The following BICC1 variants were observed in gnomAD, a reference collection of about 807,000 sequenced individuals.
The protein encoded by BICC1 is protein bicaudal C homolog 1.
BICC1 carries 43 observed loss-of-function variants against 111.0 expected under a neutral mutation model. That is an observed-to-expected ratio of 0.39 (90% CI 0.30 to 0.50). The LOEUF (loss-of-function observed/expected upper bound fraction) is 0.50, where lower values mean the gene tolerates loss of function less well. Among genes scored for constraint, BICC1 ranks in the 20% least tolerant of loss-of-function variants. The pLI is 0.88. For synonymous variants in BICC1, 467 were observed against 434.4 expected (o/e 1.07, Z -0.93); for missense variants, 1,091 against 1,203.2 (o/e 0.91, Z 1.38).
intron 3 of BICC1, among the ~76,000 whole-genome samples, chr10:58,749,200 A>G (rs1194737410): frequency 6.6e-6 from 1 of 152,090 alleles, no homozygotes; most frequent in Non-Finnish European, 1.5e-5. Context: ...AGTCCATGGT[A>G]TGCGTTAGAT....
intron 5 of BICC1, 29 bp downstream of exon 5, chr10:58,787,110 T>A (rs781426306): frequency 1.2e-5 from 18 of 1,529,154 alleles, no homozygotes; most frequent in Non-Finnish European, 1.4e-5. Flanking sequence ...TGAACTTTTA[T>A]GGGATGAATT....
At chr10:58,741,666 G>A (rs1471314691) in intron 3 of BICC1, among the ~76,000 whole-genome samples, 1 of 152,038 alleles carries the variant, frequency 6.6e-6, no homozygotes, top group African/African-American at 2.4e-5. Context: ...CATTACAAAC[G>A]GGAAACTGAG....
Position 58,795,671 on chromosome 10 carries a change from T to C in BICC1, c.1180-669T>C, listed in dbSNP as rs531151464. Reference sequence around the variant, plus strand: ...CACAATTTTTTTTTTTTTTGGTCCATTGAGGGCTTTCCCCTTTGAGTTCAC... The same window carrying C: ...CACAATTTTTTTTTTTTTTGGTCCACTGAGGGCTTTCCCCTTTGAGTTCAC... On this transcript the variant is annotated intron_variant, in intron 9 of 20. Coordinates refer to ENST00000373886, the MANE Select transcript of BICC1 (RefSeq NM_001080512.3). Among the ~76,000 whole-genome samples the C allele has an allele frequency of 7.2e-5, 11 of 152,116 alleles. No individual in the cohort carries two copies. The South Asian group carries it at 2.3e-3, about 32-fold the overall frequency.
At chr10:58,800,692 A>T (rs1200231381) in intron 13 of BICC1, among the ~76,000 whole-genome samples, 198 bp from the exon 14 acceptor site, 1 of 152,188 alleles carries the variant, frequency 6.6e-6, no homozygotes, top group Admixed American at 6.5e-5. Flanking sequence ...TTTAAAATAT[A>T]TGCGGGTCTT....
At chr10:58,625,748 C>T (rs1279697656) in intron 2 of BICC1, among the ~76,000 whole-genome samples, 1 of 152,014 alleles carries the variant, frequency 6.6e-6, no homozygotes, top group Non-Finnish European at 1.5e-5. Flanking sequence ...GGGGGAAATT[C>T]CTGGGATAAA....
chr10:58,515,509 T>C (rs989759314), intron 1 of BICC1, among the ~76,000 whole-genome samples: 2 of 152,222 alleles, frequency 1.3e-5, no homozygotes, highest in Non-Finnish European at 2.9e-5. Context: ...TATCTAAATA[T>C]ATCTAAACAT....
chr10:58,799,037 T>C lies in BICC1; in HGVS notation c.1529-19T>C, dbSNP rs1258584127. On this transcript the variant is annotated intron_variant, in intron 11 of 20. Coordinates refer to ENST00000373886, the MANE Select transcript of BICC1 (RefSeq NM_001080512.3). ...CTGAGTTTCTTCCTAATATCTGTCA[T>C]CATAAAATGTTGTTGTAGGTTTTTC... 2.7e-6 allele frequency: 4 copies of C among 1,499,412 alleles called. No individual in the cohort carries two copies. The highest frequency in any genetic ancestry group is 3.6e-6 in the Non-Finnish European group (4 of 1,104,646). The allele number at this position is 1,499,412 out of a possible 1,614,324, so 92.9% of individuals were successfully genotyped here. A position where few individuals can be genotyped will look rare whatever the true frequency, so the allele number is the denominator to read the frequency against.
At chr10:58,760,634 C>G (rs1842287358) in intron 3 of BICC1, among the ~76,000 whole-genome samples, 1 of 151,954 alleles carries the variant, frequency 6.6e-6, no homozygotes, top group Non-Finnish European at 1.5e-5. Context: ...GAGACTCATA[C>G]AGACATAAAT....
chr10:58,710,219 T>G (rs1377243656), intron 3 of BICC1, among the ~76,000 whole-genome samples: 1 of 152,188 alleles, frequency 6.6e-6, no homozygotes, highest in Non-Finnish European at 1.5e-5. Context: ...GGTTTTCCAG[T>G]TGGTAAGTAG....
intron 3 of BICC1, among the ~76,000 whole-genome samples, chr10:58,704,079 C>G (rs1840319457): frequency 6.6e-6 from 1 of 152,116 alleles, no homozygotes; most frequent in African/African-American, 2.4e-5. Context: ...GACACTTAAC[C>G]CATTCAAAAT....
At chr10:58,666,187 TACTTTC>T (rs1373881064) in intron 2 of BICC1, among the ~76,000 whole-genome samples, 29 of 152,220 alleles carry the variant, frequency 1.9e-4, no homozygotes, top group African/African-American at 7.0e-4. Flanking sequence ...TAAAATGACC[TACTTTC>T]ACTTTCAGAA....
chr10:58,695,221 C>G (rs1053701486), intron 2 of BICC1, among the ~76,000 whole-genome samples: 2 of 152,126 alleles, frequency 1.3e-5, no homozygotes, highest in Non-Finnish European at 2.9e-5. Flanking sequence ...AATAAACATC[C>G]TCAGCTTTTA....
At position 58,677,399 on chromosome 10, in the gene BICC1, G is replaced by A. The variant is rs114069095; in HGVS notation, c.238-24675G>A. 4.2e-3 allele frequency among the ~76,000 whole-genome samples: 639 copies of A among 152,282 alleles called. 13 individuals are homozygous for A. The highest frequency in any genetic ancestry group is 0.015 in the African/African-American group (608 of 41,556). ...GAAGAACACAGCACAAGAACTTCGC[G>A]AAGCATATACAAGTATCAAGAACCA... On this transcript the variant is annotated intron_variant, in intron 2 of 20. Coordinates refer to ENST00000373886, the MANE Select transcript of BICC1 (RefSeq NM_001080512.3).
chr10:58,743,281 A>G (rs1016869918), intron 3 of BICC1, among the ~76,000 whole-genome samples: 2 of 152,116 alleles, frequency 1.3e-5, no homozygotes, highest in Admixed American at 1.3e-4. Context: ...CTGATTTCTT[A>G]AGAAAATACT....
intron 3 of BICC1, among the ~76,000 whole-genome samples, chr10:58,774,222 T>G (rs548162639): frequency 6.6e-6 from 1 of 152,198 alleles, no homozygotes; most frequent in South Asian, 2.1e-4. Context: ...GCACAACAAA[T>G]AAAAAGAGAT....
At chr10:58,698,802 A>G (rs1385406874) in intron 2 of BICC1, among the ~76,000 whole-genome samples, 3 of 152,218 alleles carry the variant, frequency 2.0e-5, no homozygotes, top group African/African-American at 7.2e-5. Context: ...AATAGATACG[A>G]TAAAGGATTT....
chr10:58,796,466 GGCCTGGCATGTCCCA>G lies in BICC1; in HGVS notation c.1313_1327del (p.Ala438_Leu442del). 6.2e-7 allele frequency: 1 copy of G among 1,614,090 alleles called. No homozygotes were observed. The highest frequency in any genetic ancestry group is 8.5e-7 in the Non-Finnish European group (1 of 1,179,982). On this transcript the variant is annotated inframe_deletion, in exon 10 of 21. Coordinates refer to ENST00000373886, the MANE Select transcript of BICC1 (RefSeq NM_001080512.3). ...TCCATCCCCAGCATCCTGCCCTGCC[GGCCTGGCATGTCCCA>G]GCCTGGATATCTTAGCTTCAGCAGG...
At chr10:58,641,099 G>A (rs1204440780) in intron 2 of BICC1, among the ~76,000 whole-genome samples, 1 of 152,142 alleles carries the variant, frequency 6.6e-6, no homozygotes, top group Non-Finnish European at 1.5e-5. Context: ...TTAGAGCTGA[G>A]CCTCAGCAGG....
chr10:58,753,897 C>A (rs970610377), intron 3 of BICC1, among the ~76,000 whole-genome samples: 2 of 152,056 alleles, frequency 1.3e-5, no homozygotes, highest in Non-Finnish European at 2.9e-5. Context: ...TTCTTCCCCC[C>A]CTTTACTTTT....
Sources: allele counts gnomAD v4.1 joint callset (sites outside exome capture counted in the v4.1 genomes callset), GRCh38; gene constraint gnomAD v4.1.1; transcripts MANE v1.5; gene names NCBI Gene and HGNC (gene_info 2026-07-23, HGNC 2026-07-21).